The following C1QBP variants were observed in gnomAD, a reference collection of about 807,000 sequenced individuals.
The protein encoded by C1QBP is complement C1q binding protein.
Under a neutral mutation model 29.4 loss-of-function variants are expected in C1QBP, and 24 were observed. The ratio of observed to expected loss-of-function variants is 0.82; its 90% CI spans 0.59 to 1.15. The LOEUF (loss-of-function observed/expected upper bound fraction) is 1.15, where lower values mean the gene tolerates loss of function less well. Among genes scored for constraint, C1QBP ranks in the 50% most tolerant of loss-of-function variants. The pLI is 0.00. For synonymous variants in C1QBP, 182 were observed against 149.2 expected (o/e 1.22, Z -1.60); for missense variants, 337 against 355.8 (o/e 0.95, Z 0.43).
chr17:5,433,228 T>C (rs950674975), intron 5 of C1QBP, 64 bp from the exon 6 acceptor site: 1 of 1,609,548 alleles, frequency 6.2e-7, no homozygotes, highest in African/African-American at 1.3e-5. Context: ...TGCTTTTTTC[T>C]CCCCTTGAAC....
chr17:5,434,295 A>C (rs1916195445), intron 3 of C1QBP, among the ~76,000 whole-genome samples: 1 of 152,166 alleles, frequency 6.6e-6, no homozygotes, highest in Non-Finnish European at 1.5e-5. Flanking sequence ...TGCGCCGTCC[A>C]CACCAGGTCA....
rs911561833 is a variant in C1QBP at position 5,432,845 on chromosome 17, G to T, written c.*170C>A. 22 of 959,682 alleles carry T rather than the reference G, an allele frequency of 2.3e-5. No homozygotes were observed. The highest frequency in any genetic ancestry group is 3.2e-5 in the Non-Finnish European group (22 of 680,894). 59.4% of individuals were successfully genotyped at this position (959,682 alleles called of 1,614,324 possible). ...AATCTAGAAATAATAGATTTGTACA[G>T]AAAAAAATGATAATAAATGAGAACA... On this transcript the variant is annotated 3_prime_UTR_variant, in exon 6 of 6. Coordinates refer to ENST00000225698, the MANE Select transcript of C1QBP (RefSeq NM_001212.4).
chr17:5,432,864 G>T lies in C1QBP; in HGVS notation c.*151C>A. 1 of 991,342 alleles carries T rather than the reference G, an allele frequency of 1.0e-6. No homozygotes were observed. The highest frequency in any genetic ancestry group is 1.4e-6 in the Non-Finnish European group (1 of 704,334). The allele number at this position is 991,342 out of a possible 1,614,324, so 61.4% of individuals were successfully genotyped here. ...TGTACAGAAAAAAATGATAATAAAT[G>T]AGAACACAAAACATATAATTTAAAT... On this transcript the variant is annotated 3_prime_UTR_variant, in exon 6 of 6. Transcript: ENST00000225698.
chr17:5,438,263 A>T lies in C1QBP; in HGVS notation c.243T>A (p.Ala81=). 6.2e-7 allele frequency: 1 copy of T among 1,613,582 alleles called. No individual in the cohort carries two copies. Among genetic ancestry groups the T allele is most frequent in the Non-Finnish European group, 8.5e-7 (1 of 1,179,830 alleles). Residue 81 remains alanine, a synonymous_variant, in exon 2 of 6, where the codon GCT becomes GCA. Transcript: ENST00000225698. ...CGSLHTDGDK[A]FVDFLSDEIK... is the part of the protein sequence containing the mutation. Reference sequence around the variant, plus strand: ...TTTCATCACTCAGGAAATCAACAAAAGCTTTGTCTCCTAGAAAAGAAATCC... The same window carrying T: ...TTTCATCACTCAGGAAATCAACAAATGCTTTGTCTCCTAGAAAAGAAATCC...
chr17:5,433,838 CAG>C (rs1916180892), intron 3 of C1QBP, 71 bp from the exon 4 acceptor site: 3 of 1,334,640 alleles, frequency 2.2e-6, no homozygotes, highest in Non-Finnish European at 3.2e-6. Flanking sequence ...GATCTCTGTT[CAG>C]AGTGTCTGAT....
intron 1 of C1QBP, 95 bp from the exon 2 acceptor site, chr17:5,438,368 T>TTAC: frequency 7.1e-7 from 1 of 1,410,668 alleles, no homozygotes; most frequent in East Asian, 2.4e-5. Flanking sequence ...CCTGGACTGT[T>TTAC]TCTAATCTCT....
intron 2 of C1QBP, among the ~76,000 whole-genome samples, chr17:5,437,578 TG>T (rs1916308818): frequency 6.6e-6 from 1 of 152,232 alleles, no homozygotes. Flanking sequence ...CCCAAAGTGC[TG>T]GGATTATGGG....
rs1916297462 is a variant in C1QBP at position 5,437,233 on chromosome 17, T to C, written c.383+890A>G. Among the ~76,000 whole-genome samples, 3 of 152,158 alleles carry C rather than the reference T, an allele frequency of 2.0e-5. No individual in the cohort carries two copies. The South Asian group carries it at 6.2e-4, about 32-fold the overall frequency. On this transcript the variant is annotated intron_variant, in intron 2 of 5. Transcript: ENST00000225698. ...CTAAGAACCACTTAATTTAATAAAC[T>C]TCAATAAATGGGTAAATCGTATGCC...
chr17:5,434,089 T>A (rs1382260653), intron 3 of C1QBP: 11 of 324,552 alleles, frequency 3.4e-5, no homozygotes, highest in African/African-American at 2.4e-4. Flanking sequence ...TTCCTAAAGT[T>A]TCAAGATCTC....
intron 3 of C1QBP, among the ~76,000 whole-genome samples, chr17:5,434,271 GCACACCAGAGAGCTGCGCCGTC>G (rs1299691707): frequency 6.6e-6 from 1 of 152,158 alleles, no homozygotes; most frequent in Non-Finnish European, 1.5e-5. Context: ...TGGGAAAGCA[GCACACCAGAGAGCTGCGCCGTC>G]CACACCAGGT....
chr17:5,436,549 C>A (rs139803174), intron 2 of C1QBP, among the ~76,000 whole-genome samples: 4 of 151,698 alleles, frequency 2.6e-5, no homozygotes, highest in East Asian at 3.9e-4. Flanking sequence ...TAAAAAAGCA[C>A]AAGCGACCAA....
intron 2 of C1QBP, among the ~76,000 whole-genome samples, chr17:5,436,152 T>G (rs549851678): frequency 1.3e-5 from 2 of 151,122 alleles, no homozygotes; most frequent in South Asian, 4.1e-4. Flanking sequence ...CAGTCTGAGG[T>G]TGACAAAATC....
intron 2 of C1QBP, among the ~76,000 whole-genome samples, chr17:5,436,033 A>G (rs1204693756): frequency 8.3e-6 from 1 of 121,104 alleles, no homozygotes; most frequent in Non-Finnish European, 1.7e-5. Flanking sequence ...AGACACAGCA[A>G]GACTCTGTCA....
At position 5,439,025 on chromosome 17, in the gene C1QBP, C is replaced by T. The variant is rs1398262578; in HGVS notation, c.49G>A (p.Ala17Thr). ...GCGGGCGCGGCAGCGCGGAGGCCGG[C>T]GACGGAGGAGCCCAGCACACGGGGC... ...CVPRVLGSSV[A>T]GLRAAAPASP... Residue 17 changes from alanine to threonine, a missense_variant, in exon 1 of 6, where the codon GCC becomes ACC. Coordinates refer to ENST00000225698, the MANE Select transcript of C1QBP (RefSeq NM_001212.4). The T allele has an allele frequency of 2.7e-6, 4 of 1,507,664 alleles. No individual in the cohort carries two copies. Among genetic ancestry groups the T allele is most frequent in the South Asian group, 2.5e-5 (2 of 80,198 alleles). 93.4% of individuals were successfully genotyped at this position (1,507,664 alleles called of 1,614,324 possible).
Position 5,434,967 on chromosome 17 carries a change from C to A in C1QBP, c.384-1G>T. 6.2e-7 allele frequency: 1 copy of A among 1,613,212 alleles called. No homozygotes were observed. Among genetic ancestry groups the A allele is most frequent in the Non-Finnish European group, 8.5e-7 (1 of 1,179,234 alleles). Reference sequence around the variant, plus strand: ...GTTAATGTTGAAAGTGACCGTGATTCTAAAACGGCAAGGGAAAACAGACAA... The same window carrying A: ...GTTAATGTTGAAAGTGACCGTGATTATAAAACGGCAAGGGAAAACAGACAA... On this transcript the variant is annotated splice_acceptor_variant, in intron 2 of 5. Coordinates refer to ENST00000225698, the MANE Select transcript of C1QBP (RefSeq NM_001212.4). LOFTEE classifies it high-confidence loss of function.
Position 5,438,864 on chromosome 17 carries a change from G to C in C1QBP, c.210C>G (p.Gly70=), listed in dbSNP as rs1018584685. Residue 70 remains glycine (G), a synonymous_variant, in exon 1 of 6, where the codon GGC becomes GGG. Transcript: ENST00000225698. The stretch of plus-strand genomic sequence containing the variant: ...CACCGTCGGTGTGCAGCGAGCCGCA[G>C]CCACAGCCACAGGCGCAGGGTCCGC... ...RPRGPCACGC[G]CGSLHTDGDK... 26 of 1,545,772 alleles carry C rather than the reference G, an allele frequency of 1.7e-5. No homozygotes were observed. The highest frequency in any genetic ancestry group is 2.3e-5 in the Non-Finnish European group (26 of 1,145,628).
In C1QBP at chr17:5,433,413, A is replaced by G; in HGVS notation, c.579T>C (p.Val193=). 6.2e-7 allele frequency: 1 copy of G among 1,614,136 alleles called. No individual in the cohort carries two copies. Among genetic ancestry groups the G allele is most frequent in the South Asian group, 1.1e-5 (1 of 91,086 alleles). ...CACTCTCAGCCTCGTCTTCTTGTCC[A>G]ACCTGAGAAGAAACAATATTGGGAA... is the stretch of plus-strand genomic sequence containing the variant. ...VLDCHYPEDE[V]GQEDEAESDI... Residue 193 remains valine (V), a splice_region_variant and synonymous_variant, in exon 5 of 6, where the codon GTT becomes GTC. Coordinates refer to ENST00000225698, the MANE Select transcript of C1QBP (RefSeq NM_001212.4).
intron 3 of C1QBP, among the ~76,000 whole-genome samples, chr17:5,434,464 C>CTTTTTTTTTTTTT (rs576803401): frequency 2.0e-5 from 2 of 97,862 alleles, no homozygotes; most frequent in Non-Finnish European, 3.8e-5. Flanking sequence ...TTCTCTCTCT[C>CTTTTTTTTTTTTT]TTTTTTTTTT....
chr17:5,437,553 T>C (rs899154624), intron 2 of C1QBP, among the ~76,000 whole-genome samples: 1 of 152,180 alleles, frequency 6.6e-6, no homozygotes, highest in Non-Finnish European at 1.5e-5. Flanking sequence ...TCTCCTGACC[T>C]CATGATCTGC....
Sources: allele counts gnomAD v4.1 joint callset (sites outside exome capture counted in the v4.1 genomes callset), GRCh38; gene constraint gnomAD v4.1.1; transcripts MANE v1.5; gene names NCBI Gene and HGNC (gene_info 2026-07-23, HGNC 2026-07-21).